Variants in QTGAL observed in about 807,000 individuals in gnomAD.
The protein encoded by QTGAL is BGnT-like protein 1.
At chr17:83,015,615 TC>T in the QTGAL span, among the ~76,000 whole-genome samples, 6 of 152,166 alleles carry the variant, frequency 3.9e-5, no homozygotes, top group African/African-American at 1.4e-4. This position sits in a 1 kb window ranked among gnomAD's most constrained non-coding sequence, Gnocchi z 4.4. Context: ...TGTACCAGGG[TC>T]CCAATTCCCG....
chr17:82,964,713 CGGGGGG>C, the QTGAL span, among the ~76,000 whole-genome samples: 1 of 107,308 alleles, frequency 9.3e-6, no homozygotes. Flanking sequence ...TGCACCCCCA[CGGGGGG>C]ACGGGGACAC....
At chr17:83,034,740 AG>A in the QTGAL span, among the ~76,000 whole-genome samples, 2,152 of 152,304 alleles carry the variant, frequency 0.014, 52 homozygotes, top group African/African-American at 0.049. Flanking sequence ...ATGGACTTCA[AG>A]GGAGGAGTTT....
the QTGAL span, among the ~76,000 whole-genome samples, chr17:83,016,368 C>T: frequency 1.3e-3 from 201 of 151,984 alleles, no homozygotes; most frequent in African/African-American, 4.6e-3. Context: ...GATCATCCAA[C>T]GAACCATGCT....
the QTGAL span, among the ~76,000 whole-genome samples, chr17:82,955,545 T>C: frequency 1.4e-4 from 22 of 152,240 alleles, no homozygotes; most frequent in Non-Finnish European, 5.9e-5. Context: ...TTTACACTGT[T>C]GGTGGGAATG....
At chr17:83,004,594 G>C in the QTGAL span, among the ~76,000 whole-genome samples, 3 of 125,870 alleles carry the variant, frequency 2.4e-5, no homozygotes, top group Non-Finnish European at 5.0e-5. Flanking sequence ...ACTCTCTGCA[G>C]TCCGCATGTG....
At chr17:82,972,940 G>A in the QTGAL span, among the ~76,000 whole-genome samples, 1 of 152,066 alleles carries the variant, frequency 6.6e-6, no homozygotes, top group Non-Finnish European at 1.5e-5. Context: ...ACTCATAGGG[G>A]CCAGAAGGAC....
At chr17:83,020,761 T>G in the QTGAL span, among the ~76,000 whole-genome samples, 1 of 152,200 alleles carries the variant, frequency 6.6e-6, no homozygotes, top group African/African-American at 2.4e-5. Context: ...ATGGCACTCC[T>G]GCCACTCCCA....
the QTGAL span, among the ~76,000 whole-genome samples, chr17:82,980,520 T>TG: frequency 6.6e-6 from 1 of 152,222 alleles, no homozygotes; most frequent in Non-Finnish European, 1.5e-5. Context: ...ACCCTCCAGC[T>TG]ATAAATCGGG....
chr17:82,954,153 G>C, the QTGAL span, among the ~76,000 whole-genome samples: 1 of 152,130 alleles, frequency 6.6e-6, no homozygotes, highest in Non-Finnish European at 1.5e-5. Flanking sequence ...GGGCAATCAG[G>C]CAAGAGAAAG....
chr17:82,944,178 T>A, the QTGAL span: 1 of 152,238 alleles, frequency 6.6e-6, no homozygotes, highest in South Asian at 2.1e-4. Context: ...CCCAGACCCA[T>A]CAGTGACACT....
the QTGAL span, among the ~76,000 whole-genome samples, chr17:83,016,658 T>G: frequency 7.7e-4 from 15 of 19,558 alleles, no homozygotes; most frequent in Middle Eastern, 0.026. Context: ...AGGAGGCAGG[T>G]GGAGGGTGGA....
At chr17:82,986,827 T>C in the QTGAL span, among the ~76,000 whole-genome samples, 1 of 152,262 alleles carries the variant, frequency 6.6e-6, no homozygotes. Flanking sequence ...TCCGTAATGT[T>C]GGGGCGTATT....
the QTGAL span, among the ~76,000 whole-genome samples, chr17:83,011,988 A>G: frequency 1.4e-5 from 2 of 139,506 alleles, no homozygotes; most frequent in African/African-American, 5.5e-5. Context: ...ACACGCCACG[A>G]ACTCCTCGTA....
At chr17:82,991,177 A>C in the QTGAL span, among the ~76,000 whole-genome samples, 5 of 152,304 alleles carry the variant, frequency 3.3e-5, no homozygotes, top group Admixed American at 2.0e-4. Flanking sequence ...GGTTAGCCAA[A>C]GATTTCTTAG....
chr17:83,010,695 G>T, the QTGAL span, among the ~76,000 whole-genome samples: 3 of 152,236 alleles, frequency 2.0e-5, no homozygotes, highest in Non-Finnish European at 2.9e-5. Flanking sequence ...AAGTTAACAC[G>T]CAGCTTCTTG....
chr17:82,995,572 C>G, the QTGAL span, among the ~76,000 whole-genome samples: 1 of 151,898 alleles, frequency 6.6e-6, no homozygotes, highest in East Asian at 1.9e-4. Flanking sequence ...TAAGTAGAGA[C>G]GGGGTTTCGC....
chr17:83,045,204 T>C, the QTGAL span, among the ~76,000 whole-genome samples: 1 of 152,110 alleles, frequency 6.6e-6, no homozygotes, highest in African/African-American at 2.4e-5. Flanking sequence ...GCTCAAGTAA[T>C]CAAAACAATG....
the QTGAL span, among the ~76,000 whole-genome samples, chr17:83,026,146 G>A: frequency 2.6e-5 from 4 of 152,212 alleles, no homozygotes; most frequent in African/African-American, 9.6e-5. Context: ...CAGGCACAGA[G>A]AGGCCCCCTT....
the QTGAL span, chr17:83,051,755 C>A: frequency 1.1e-5 from 17 of 1,498,074 alleles, no homozygotes; most frequent in South Asian, 2.1e-4. Flanking sequence ...CCTGCATGGC[C>A]TGGCTCTCCT....
Sources: allele counts gnomAD v4.1 joint callset (sites outside exome capture counted in the v4.1 genomes callset), GRCh38; gene constraint gnomAD v4.1.1; non-coding constraint Gnocchi (gnomAD v3.1); transcripts MANE v1.5; gene names NCBI Gene and HGNC (gene_info 2026-07-23, HGNC 2026-07-21).